SMYD3: variants seen among roughly 807,000 people sequenced by gnomAD.
SMYD3 encodes SET and MYND domain containing 3, also known as histone-lysine N-methyltransferase SMYD3.
In SMYD3, 36 loss-of-function variants were observed where a neutral mutation model predicts 57.7. The ratio of observed to expected loss-of-function variants is 0.62; its 90% confidence interval spans 0.48 to 0.82. The LOEUF is 0.82. Ranked by LOEUF, SMYD3 falls within the 40% of genes least tolerant of loss-of-function variation. The probability of loss-of-function intolerance (pLI) is 0.00; values close to 1 mark genes in which losing one functional copy is unlikely to be tolerated. For synonymous variants in SMYD3, 211 were observed against 195.0 expected, an observed-to-expected ratio of 1.08 and a Z score of -0.68; for missense variants, 515 against 538.8, an observed-to-expected ratio of 0.96 and a Z score of 0.44.
chr1:245,985,234 C>T (rs899467525), intron 5 of SMYD3, among the ~76,000 whole-genome samples: 1 of 152,122 alleles, frequency 6.6e-6, no homozygotes, highest in Admixed American at 6.5e-5. Flanking sequence ...TGATGCCATA[C>T]ATTTTGCCTG....
intron 5 of SMYD3, among the ~76,000 whole-genome samples, chr1:246,045,380 G>A (rs1261395079): frequency 6.6e-6 from 1 of 152,102 alleles, no homozygotes; most frequent in Non-Finnish European, 1.5e-5. Flanking sequence ...AAGAAATGGG[G>A]AAAGGATTCC....
chr1:245,902,916 C>T (rs1033253646), intron 8 of SMYD3, among the ~76,000 whole-genome samples: 1 of 152,194 alleles, frequency 6.6e-6, no homozygotes, highest in African/African-American at 2.4e-5. Context: ...GATGCACAGA[C>T]GTAAGGACAC....
chr1:246,125,087 AACACAC>A (rs577581964), intron 5 of SMYD3, among the ~76,000 whole-genome samples: 29 of 142,596 alleles, frequency 2.0e-4, no homozygotes, highest in African/African-American at 6.6e-4. Context: ...AAAAAAAAAA[AACACAC>A]ACACACACAC....
chr1:246,089,233 C>A (rs2060779081), intron 5 of SMYD3, among the ~76,000 whole-genome samples: 2 of 152,170 alleles, frequency 1.3e-5, no homozygotes. Context: ...CCCGCCTCAG[C>A]CTCCCAAAGC....
chr1:246,153,442 A>T (rs1419326356), intron 5 of SMYD3, among the ~76,000 whole-genome samples: 1 of 27,302 alleles, frequency 3.7e-5, no homozygotes, highest in Non-Finnish European at 8.0e-5. Flanking sequence ...AGGGGGAGGG[A>T]GGGAGGGAAA....
intron 5 of SMYD3, among the ~76,000 whole-genome samples, chr1:246,165,364 TCTTC>T (rs527876793): frequency 1.5e-3 from 234 of 152,254 alleles, no homozygotes; most frequent in African/African-American, 5.2e-3. Context: ...TCCCTCGCTT[TCTTC>T]CTTCCTAAGA....
chr1:246,107,068 G>A (rs1269224038), intron 5 of SMYD3, among the ~76,000 whole-genome samples: 1 of 150,576 alleles, frequency 6.6e-6, no homozygotes, highest in Non-Finnish European at 1.5e-5. Flanking sequence ...GGGAGGCTGA[G>A]GCGGGCGGAT....
chr1:246,179,048 A>T (rs548873294), intron 5 of SMYD3: 16 of 153,508 alleles, frequency 1.0e-4, no homozygotes, highest in African/African-American at 3.6e-4. Context: ...TATATAAACA[A>T]GTTCAAGGCC....
chr1:246,427,657 A>G (rs1245806477), intron 1 of SMYD3, among the ~76,000 whole-genome samples: 1 of 152,246 alleles, frequency 6.6e-6, no homozygotes, highest in Non-Finnish European at 1.5e-5. Context: ...TGAGCCCAGG[A>G]GTTCAAGACT....
intron 5 of SMYD3, among the ~76,000 whole-genome samples, chr1:246,213,416 T>TC (rs1207366452): frequency 6.6e-6 from 1 of 152,168 alleles, no homozygotes; most frequent in African/African-American, 2.4e-5. Context: ...TCAGGTTATC[T>TC]CCTAAGTCCG....
intron 5 of SMYD3, among the ~76,000 whole-genome samples, chr1:246,081,510 A>G (rs1251878388): frequency 6.6e-6 from 1 of 152,086 alleles, no homozygotes; most frequent in Non-Finnish European, 1.5e-5. Flanking sequence ...CTCATGCCTC[A>G]GCCTCCTGAG....
At chr1:246,319,310 T>C (rs1212911512) in intron 5 of SMYD3, among the ~76,000 whole-genome samples, 2 of 152,204 alleles carry the variant, frequency 1.3e-5, no homozygotes, top group African/African-American at 2.4e-5. Flanking sequence ...ATGTGGCATG[T>C]AGCAGTCACC....
At chr1:246,014,410 T>G (rs1437243052) in intron 5 of SMYD3, among the ~76,000 whole-genome samples, 1 of 152,206 alleles carries the variant, frequency 6.6e-6, no homozygotes. Flanking sequence ...CAGATAATGT[T>G]GCATTCATGC....
intron 1 of SMYD3, among the ~76,000 whole-genome samples, chr1:246,381,422 C>T (rs2066383629): frequency 6.6e-6 from 1 of 152,188 alleles, no homozygotes; most frequent in South Asian, 2.1e-4. Context: ...TGATTAAAGA[C>T]ACTACCTGGT....
chr1:246,281,714 C>T (rs534045477), intron 5 of SMYD3, among the ~76,000 whole-genome samples: 1 of 152,176 alleles, frequency 6.6e-6, no homozygotes, highest in East Asian at 1.9e-4. Context: ...TGGGCATAAC[C>T]TATGCTTAGG....
At chr1:246,326,894 A>C in intron 5 of SMYD3, 1 of 379,832 alleles carries the variant, frequency 2.6e-6, no homozygotes, top group Non-Finnish European at 4.7e-6. Flanking sequence ...TTCACAAAAA[A>C]TAATGGGATA....
chr1:246,117,372 C>A (rs1006078007), intron 5 of SMYD3, among the ~76,000 whole-genome samples: 3 of 152,180 alleles, frequency 2.0e-5, no homozygotes, highest in African/African-American at 7.2e-5. Flanking sequence ...TCTGCTGCCC[C>A]CTTCTGCTTC....
At chr1:246,368,734 G>A (rs912803137) in intron 1 of SMYD3, among the ~76,000 whole-genome samples, 1 of 152,152 alleles carries the variant, frequency 6.6e-6, no homozygotes, top group African/African-American at 2.4e-5. Flanking sequence ...TCAGCTGCCA[G>A]CACAGCTAGA....
At chr1:246,421,395 T>C (rs979358574) in intron 1 of SMYD3, among the ~76,000 whole-genome samples, 10 of 152,136 alleles carry the variant, frequency 6.6e-5, no homozygotes, top group African/African-American at 2.4e-4. Context: ...ACCCCCACTG[T>C]ATTTTGTAAA....
Sources: gnomAD v4.1 joint callset for allele counts (sites outside exome capture counted in the v4.1 genomes callset) on GRCh38, gnomAD v4.1.1 for gene constraint, MANE v1.5 for transcripts, NCBI Gene and HGNC (gene_info 2026-07-23, HGNC 2026-07-21) for gene names.